GC: variants seen among roughly 807,000 people sequenced by gnomAD.
The protein encoded by GC is vitamin D-binding protein.
GC carries 43 observed loss-of-function variants against 56.7 expected under a neutral mutation model. The ratio of observed to expected loss-of-function variants is 0.76; its 90% CI spans 0.59 to 0.98. GC has a LOEUF of 0.98. Among genes scored for constraint, GC ranks in the 50% least tolerant of loss-of-function variants. The pLI, the probability that GC is intolerant of heterozygous loss-of-function variation, is 0.00. For missense variants in GC, 529 were observed against 545.9 expected (o/e 0.97, Z 0.31); for synonymous variants, 216 against 202.7 (o/e 1.07, Z -0.56).
upstream of GC, among the ~76,000 whole-genome samples, chr4:71,804,281 T>C (rs182318919): frequency 1.3e-3 from 199 of 152,278 alleles, 2 homozygotes; most frequent in East Asian, 3.7e-3. Flanking sequence ...TGGAGCTGCT[T>C]GCTTTTATTC....
At chr4:71,754,042 G>A (rs867996609) in intron 10 of GC, among the ~76,000 whole-genome samples, 3 of 152,140 alleles carry the variant, frequency 2.0e-5, no homozygotes, top group Non-Finnish European at 4.4e-5. Context: ...TTATACAGAT[G>A]TTAGATTCCA....
chr4:71,786,204 T>C (rs1742829578), upstream of GC, among the ~76,000 whole-genome samples: 1 of 151,856 alleles, frequency 6.6e-6, no homozygotes, highest in South Asian at 2.1e-4. Context: ...ATTTTCTAAC[T>C]GAAATTCGGC....
chr4:71,783,501 G>A (rs539633739), intron 1 of GC, among the ~76,000 whole-genome samples: 1 of 151,846 alleles, frequency 6.6e-6, no homozygotes, highest in South Asian at 2.1e-4. Context: ...GCATGTATAA[G>A]ATTCCTCTAA....
Position 71,755,074 on chromosome 4 carries a change from A to G in GC, c.1068T>C (p.Leu356=), listed in dbSNP as rs1741720655. ...GTACCTTACTGAGGAATACTTCCGGAAGATGAGTCCTTCTGCTTAGTTCAA... is the reference window on the plus strand; with the variant it reads ...GTACCTTACTGAGGAATACTTCCGGGAGATGAGTCCTTCTGCTTAGTTCAA... ...YTFELSRRTH[L]PEVFLSKVLE... The change falls in exon 9 of 13, where the codon CTT becomes CTC. Residue 356 remains leucine, a synonymous_variant. Transcript: ENST00000273951. The G allele has an allele frequency of 6.3e-7, 1 of 1,593,016 alleles. No individual in the cohort carries two copies. Among genetic ancestry groups the G allele is most frequent in the Admixed American group, 1.7e-5 (1 of 58,034 alleles).
chr4:71,763,810 C>T lies in GC; in HGVS notation c.600G>A (p.Leu200=), dbSNP rs1742065623. 4.3e-6 allele frequency: 7 copies of T among 1,611,638 alleles called. No homozygotes were observed. Among genetic ancestry groups the T allele is most frequent in the Non-Finnish European group, 5.9e-6 (7 of 1,178,654 alleles). The change falls in exon 5 of 13, where the codon TTG becomes TTA. Residue 200 remains leucine, a synonymous_variant. Transcript: ENST00000273951. ...TAAGTAAAATGGGACATACCTCTTTCAAAAAGCATACAGTTGGGCTTGCAG... is the reference window on the plus strand; with the variant it reads ...TAAGTAAAATGGGACATACCTCTTTTAAAAAGCATACAGTTGGGCTTGCAG... The part of the protein sequence containing the change: ...CTSASPTVCF[L]KERLQLKHLS...
intron 8 of GC, among the ~76,000 whole-genome samples, chr4:71,756,369 G>T (rs1412928088): frequency 1.3e-5 from 2 of 152,120 alleles, no homozygotes; most frequent in African/African-American, 4.8e-5. Flanking sequence ...GCTAAGTAAG[G>T]CAAGAGTTAA....
chr4:71,779,052 A>G (rs1742595361), intron 1 of GC, among the ~76,000 whole-genome samples: 1 of 151,592 alleles, frequency 6.6e-6, no homozygotes, highest in Admixed American at 6.6e-5. Context: ...GCATCATATG[A>G]AAGAAAACTC....
intron 12 of GC, among the ~76,000 whole-genome samples, chr4:71,742,402 G>T (rs1013925703): frequency 6.6e-6 from 1 of 152,164 alleles, no homozygotes; most frequent in Non-Finnish European, 1.5e-5. Context: ...TTTGCACGGT[G>T]TAAAAAATTC....
rs1175304951 is a variant in GC at position 71,752,559 on chromosome 4, A to C, written c.1354T>G (p.Cys452Gly). Residue 452 changes from cysteine to glycine, a missense_variant, in exon 11 of 13, where the codon TGC becomes GGC. Coordinates refer to ENST00000273951, the MANE Select transcript of GC (RefSeq NM_000583.4). Reference protein sequence around the residue: ...VNKHSDFASNCCSINSPPLYC... With the variant: ...VNKHSDFASNGCSINSPPLYC... Reference sequence around the variant, plus strand: ...AGAGGAGGTGAGTTTATGGAACAGCAGTTGGAGGCAAAGTCTGAGTGCTTG... The same window carrying C: ...AGAGGAGGTGAGTTTATGGAACAGCCGTTGGAGGCAAAGTCTGAGTGCTTG... The C allele has an allele frequency of 1.2e-6, 2 of 1,613,290 alleles. No homozygotes were observed. The highest frequency in any genetic ancestry group is 1.7e-6 in the Non-Finnish European group (2 of 1,179,390).
At chr4:71,780,256 T>C (rs1430158627) in intron 1 of GC, among the ~76,000 whole-genome samples, 2 of 152,038 alleles carry the variant, frequency 1.3e-5, no homozygotes, top group African/African-American at 4.8e-5. Flanking sequence ...AAGGCTTAAA[T>C]GTTAGACCTA....
Position 71,768,316 on chromosome 4 carries a change from G to A in GC, c.246C>T (p.Asp82=), listed in dbSNP as rs1742227294. The change falls in exon 3 of 13, where the codon GAC becomes GAT. Residue 82 remains aspartate (D), a synonymous_variant. Transcript: ENST00000273951. ...AGAAACCTACCCTGGTGTCATAGCA[G>A]TCAGGGTCAGCCCCTTCCGCACAGC... The part of the protein sequence containing the change: ...EACCAEGADP[D]CYDTRTSALS... 6.2e-7 allele frequency: 1 copy of A among 1,608,624 alleles called. No individual in the cohort carries two copies. Among genetic ancestry groups the A allele is most frequent in the African/African-American group, 1.3e-5 (1 of 74,798 alleles).
At chr4:71,754,027 T>G (rs184000401) in intron 10 of GC, among the ~76,000 whole-genome samples, 3 of 152,338 alleles carry the variant, frequency 2.0e-5, no homozygotes, top group African/African-American at 4.8e-5. Flanking sequence ...AAACTTAGCT[T>G]CTTCTTATAC....
At chr4:71,766,051 A>T (rs1742146600) in intron 3 of GC, among the ~76,000 whole-genome samples, 1 of 152,172 alleles carries the variant, frequency 6.6e-6, no homozygotes, top group Non-Finnish European at 1.5e-5. Flanking sequence ...TAAATGCCCC[A>T]ATAAGAGTGA....
intron 8 of GC, among the ~76,000 whole-genome samples, chr4:71,756,091 A>C (rs1578287528): frequency 2.2e-5 from 2 of 90,408 alleles, no homozygotes; most frequent in East Asian, 6.4e-4. Flanking sequence ...AATGAAAATG[A>C]ATATTGATAA....
intron 1 of GC, among the ~76,000 whole-genome samples, chr4:71,796,650 T>C (rs1051231951): frequency 6.6e-5 from 10 of 152,232 alleles, no homozygotes; most frequent in African/African-American, 2.4e-4. Context: ...ACTGACCTTC[T>C]GAAGCCTACT....
intron 8 of GC, among the ~76,000 whole-genome samples, chr4:71,755,600 AGCTATTAATACTT>A (rs1291623959): frequency 6.6e-6 from 1 of 152,210 alleles, no homozygotes; most frequent in Non-Finnish European, 1.5e-5. Context: ...TTGAGATACA[AGCTATTAATACTT>A]GCTATTGTGA....
chr4:71,785,338 T>C (rs1418276331), upstream of GC, among the ~76,000 whole-genome samples: 1 of 151,702 alleles, frequency 6.6e-6, no homozygotes, highest in Non-Finnish European at 1.5e-5. Context: ...AATGAGGCCA[T>C]TGGAACTCAG....
intron 1 of GC, among the ~76,000 whole-genome samples, chr4:71,796,014 G>A (rs982876895): frequency 6.6e-6 from 1 of 152,212 alleles, no homozygotes; most frequent in Admixed American, 6.5e-5. Context: ...TAGAGTTTCT[G>A]CTGAGAGATC....
At chr4:71,766,756 C>G (rs939124155) in intron 3 of GC, among the ~76,000 whole-genome samples, 2 of 152,142 alleles carry the variant, frequency 1.3e-5, no homozygotes, top group Non-Finnish European at 2.9e-5. Flanking sequence ...TCTCTCTTTT[C>G]AGTCCATCTT....
Sources: allele counts gnomAD v4.1 joint callset (sites outside exome capture counted in the v4.1 genomes callset), GRCh38; gene constraint gnomAD v4.1.1; transcripts MANE v1.5; gene names NCBI Gene and HGNC (gene_info 2026-07-23, HGNC 2026-07-21).